PCDHA3: variants seen among roughly 807,000 people sequenced by gnomAD.
PCDHA3 encodes protocadherin alpha 3.
Under a neutral mutation model 62.2 loss-of-function variants are expected in PCDHA3, and 41 were observed. The observed-to-expected ratio is 0.66, with a 90% CI of 0.51 to 0.86. The LOEUF (loss-of-function observed/expected upper bound fraction) is 0.86, where lower values mean the gene tolerates loss of function less well. PCDHA3 is among the 40% of genes least tolerant of loss of function. The pLI is 0.00. For missense variants in PCDHA3, 1,304 were observed against 1,241.2 expected (o/e 1.05, Z -0.76); for synonymous variants, 640 against 555.4 (o/e 1.15, Z -2.14).
intron 1 of PCDHA3, chr5:140,854,252 T>C (rs1188551859): frequency 1.8e-5 from 11 of 627,946 alleles, no homozygotes; most frequent in African/African-American, 2.0e-5. Flanking sequence ...TCACTTGGTA[T>C]AAAATGTACA....
At chr5:141,001,833 G>GAGACAGAGAGAGAGGTTGATT (rs1554258319) in intron 3 of PCDHA3, among the ~76,000 whole-genome samples, 1 of 151,780 alleles carries the variant, frequency 6.6e-6, no homozygotes, top group East Asian at 1.9e-4. Context: ...GACAGAGAGG[G>GAGACAGAGAGAGAGGTTGATT]AGACAGAGAG....
intron 1 of PCDHA3, chr5:140,929,169 T>C: frequency 6.2e-7 from 1 of 1,614,188 alleles, no homozygotes; most frequent in Non-Finnish European, 8.5e-7. Flanking sequence ...ATCGGGCCTC[T>C]CTGGGACTTG....
chr5:140,856,611 A>T (rs782801357), intron 1 of PCDHA3: 2 of 1,598,100 alleles, frequency 1.3e-6, no homozygotes, highest in Non-Finnish European at 1.7e-6. Context: ...AAAGACAAAG[A>T]CAAATTCCCA....
intron 1 of PCDHA3, among the ~76,000 whole-genome samples, chr5:140,897,927 C>T (rs2066407931): frequency 6.6e-6 from 1 of 152,196 alleles, no homozygotes. Context: ...ATTTGCGTTT[C>T]TCTGATGGCC....
At chr5:140,864,420 G>T (rs1430010861) in intron 1 of PCDHA3, 1 of 152,158 alleles carries the variant, frequency 6.6e-6, no homozygotes, top group African/African-American at 2.4e-5. Context: ...AGGCAGCTTC[G>T]TCCACAAACA....
At chr5:141,003,467 A>G (rs1262411574) in intron 3 of PCDHA3, among the ~76,000 whole-genome samples, 1 of 152,036 alleles carries the variant, frequency 6.6e-6, no homozygotes, top group Non-Finnish European at 1.5e-5. Context: ...GTGCACCACC[A>G]CAGTCTCGCT....
chr5:140,831,753 C>T (rs2150197118), intron 1 of PCDHA3, among the ~76,000 whole-genome samples: 2 of 152,134 alleles, frequency 1.3e-5, no homozygotes, highest in Non-Finnish European at 2.9e-5. Context: ...TTCATCGCTA[C>T]CAATTTTGTT....
intron 1 of PCDHA3, chr5:140,860,591 G>A (rs1379623651): frequency 6.6e-6 from 1 of 152,168 alleles, no homozygotes; most frequent in Non-Finnish European, 1.5e-5. Context: ...TAGGAAAGGA[G>A]TTGGAAGCTC....
chr5:140,841,273 T>C, intron 1 of PCDHA3: 1 of 1,504,492 alleles, frequency 6.6e-7, no homozygotes, highest in Non-Finnish European at 8.9e-7. Flanking sequence ...GTACAGTCGT[T>C]CATCTTTATA....
intron 1 of PCDHA3, among the ~76,000 whole-genome samples, chr5:140,819,706 G>A (rs2150054349): frequency 1.3e-5 from 2 of 152,142 alleles, no homozygotes; most frequent in East Asian, 3.9e-4. Context: ...AATTTAAAAA[G>A]TAAATATAAT....
intron 1 of PCDHA3, among the ~76,000 whole-genome samples, chr5:140,934,783 A>C (rs2090034582): frequency 6.6e-6 from 1 of 152,180 alleles, no homozygotes; most frequent in Non-Finnish European, 1.5e-5. Context: ...GGCCCAATCC[A>C]TGTCAATTAT....
chr5:140,887,120 G>A (rs2061314160), intron 1 of PCDHA3, among the ~76,000 whole-genome samples: 1 of 148,878 alleles, frequency 6.7e-6, no homozygotes, highest in African/African-American at 2.5e-5. Context: ...TTTTTGAGAC[G>A]GAGTCTCACT....
chr5:140,886,705 A>T (rs1293719338), intron 1 of PCDHA3, among the ~76,000 whole-genome samples: 3 of 152,058 alleles, frequency 2.0e-5, no homozygotes, highest in Non-Finnish European at 2.9e-5. Flanking sequence ...ACGCGCCTGT[A>T]ATCCCAGCTA....
chr5:141,001,395 A>G (rs1331071816), intron 3 of PCDHA3, among the ~76,000 whole-genome samples: 1 of 152,202 alleles, frequency 6.6e-6, no homozygotes. Flanking sequence ...TCCTACAGAG[A>G]ACAGGGAGTA....
chr5:140,835,865 G>T, intron 1 of PCDHA3: 1 of 1,612,146 alleles, frequency 6.2e-7, no homozygotes. Flanking sequence ...CCTACTCGCT[G>T]GTGGAGCTGC....
chr5:140,941,255 C>CTTTCTTTCTTTCTTTCTTTCTT (rs782490896), intron 1 of PCDHA3, among the ~76,000 whole-genome samples: 2 of 44,508 alleles, frequency 4.5e-5, no homozygotes, highest in African/African-American at 1.4e-4. Context: ...TTCTTTCTTT[C>CTTTCTTTCTTTCTTTCTTTCTT]TCTTTCTTTC....
chr5:140,956,434 T>G (rs1554222427), intron 1 of PCDHA3, among the ~76,000 whole-genome samples: 1 of 152,236 alleles, frequency 6.6e-6, no homozygotes, highest in Non-Finnish European at 1.5e-5. Flanking sequence ...TTAGTTCTGC[T>G]TATGTGATGA....
chr5:140,828,741 G>T, intron 1 of PCDHA3: 1 of 1,614,220 alleles, frequency 6.2e-7, no homozygotes, highest in Non-Finnish European at 8.5e-7. Context: ...GCCACAGATG[G>T]GGGCAAACCT....
At position 140,801,350 on chromosome 5, in the gene PCDHA3, C is replaced by T. The variant is rs781952584; in HGVS notation, c.153C>T (p.Asp51=). The T allele has an allele frequency of 5.6e-6, 9 of 1,613,246 alleles. No individual in the cohort carries two copies. Among genetic ancestry groups the T allele is most frequent in the Middle Eastern group, 3.6e-4 (2 of 5,558 alleles). ...CCTTCGTGGGCCGCATCGCGCAGGA[C>T]CTGGGGCTGGAGCTGGCGGAGCTGG... ...HGTFVGRIAQ[D]LGLELAELVP... Residue 51 remains aspartate (D), a synonymous_variant, in exon 1 of 4, where the codon GAC becomes GAT. Coordinates refer to ENST00000522353, the MANE Select transcript of PCDHA3 (RefSeq NM_018906.3).
Sources: gnomAD v4.1 joint callset for allele counts (sites outside exome capture counted in the v4.1 genomes callset) on GRCh38, gnomAD v4.1.1 for gene constraint, MANE v1.5 for transcripts, NCBI Gene and HGNC (gene_info 2026-07-23, HGNC 2026-07-21) for gene names.